XKR9: variants seen among roughly 807,000 people sequenced by gnomAD.
XKR9 encodes XK-related protein 9.
A neutral mutation model predicts 32.0 loss-of-function variants in XKR9; 32 were observed. The ratio of observed to expected loss-of-function variants is 1.00; its 90% confidence interval spans 0.76 to 1.34. The LOEUF (loss-of-function observed/expected upper bound fraction) is 1.34. Ranked by LOEUF, XKR9 falls within the 40% of genes most tolerant of loss-of-function variation. The probability of loss-of-function intolerance (pLI) is 0.00; values close to 1 mark genes in which losing one functional copy is unlikely to be tolerated. For missense variants in XKR9, 546 were observed against 429.7 expected (o/e 1.27, Z -2.39); for synonymous variants, 168 against 143.4 (o/e 1.17, Z -1.22).
At chr8:70,946,383 C>T in the XKR9 span, among the ~76,000 whole-genome samples, 2 of 151,186 alleles carry the variant, frequency 1.3e-5, no homozygotes, top group African/African-American at 2.4e-5. Context: ...AAAAAAAAAA[C>T]GATAAAAACT....
downstream of XKR9, among the ~76,000 whole-genome samples, chr8:70,793,352 T>C (rs188451811): frequency 6.6e-6 from 1 of 152,192 alleles, no homozygotes; most frequent in East Asian, 1.9e-4. Flanking sequence ...AATACATACA[T>C]TAATCAATGG....
chr8:70,690,370 G>A (rs1181733877), intron 3 of XKR9, among the ~76,000 whole-genome samples: 1 of 151,798 alleles, frequency 6.6e-6, no homozygotes, highest in Non-Finnish European at 1.5e-5. Flanking sequence ...TCACTCTGTT[G>A]CCAGGCTGGA....
the XKR9 span, among the ~76,000 whole-genome samples, chr8:70,951,868 G>GGT: frequency 3.5e-5 from 1 of 28,444 alleles, no homozygotes; most frequent in African/African-American, 1.4e-4. Flanking sequence ...TAGCATCATT[G>GGT]GGGGGGGGGT....
chr8:70,795,236 T>A (rs1176263301), downstream of XKR9, among the ~76,000 whole-genome samples: 1 of 152,124 alleles, frequency 6.6e-6, no homozygotes, highest in Non-Finnish European at 1.5e-5. Flanking sequence ...CGATATTTGG[T>A]TTTCTGTTCC....
At chr8:70,932,328 G>T in the XKR9 span, among the ~76,000 whole-genome samples, 1 of 152,078 alleles carries the variant, frequency 6.6e-6, no homozygotes, top group Admixed American at 6.6e-5. Context: ...AAAATTAATT[G>T]CATCTCAGGA....
rs35676207 is a variant in XKR9 at position 70,724,430 on chromosome 8, GAAA to G, written c.494-9352_494-9350del. The stretch of plus-strand genomic sequence containing the variant: ...GGTGTTCCAAGTGCCACTGGGGTAG[GAAA>G]AAAAAAAAAAAAACTCCTGCAGCTA... On this transcript the variant is annotated intron_variant, in intron 4 of 4. Coordinates refer to ENST00000408926, the MANE Select transcript of XKR9 (RefSeq NM_001011720.2). Among the ~76,000 whole-genome samples the G allele has an allele frequency of 1.2e-3, 171 of 143,056 alleles. 1 individual carries two copies. The highest frequency in any genetic ancestry group is 7.3e-3 in the Middle Eastern group (2 of 274). 93.9% of individuals were successfully genotyped at this position (143,056 alleles called of 152,430 possible).
intron 4 of XKR9, among the ~76,000 whole-genome samples, chr8:70,727,508 C>G (rs1271780354): frequency 1.3e-5 from 2 of 152,060 alleles, no homozygotes; most frequent in Admixed American, 1.3e-4. Context: ...TCAGTCGATT[C>G]TTCTTCCTCA....
intron 2 of XKR9, among the ~76,000 whole-genome samples, chr8:70,773,754 A>C (rs1454368372): frequency 6.6e-6 from 1 of 152,178 alleles, no homozygotes; most frequent in Non-Finnish European, 1.5e-5. Flanking sequence ...TGTCATTGTA[A>C]TATTTGGAAT....
At chr8:70,875,829 A>AACTTT in the XKR9 span, among the ~76,000 whole-genome samples, 6 of 152,306 alleles carry the variant, frequency 3.9e-5, no homozygotes, top group South Asian at 1.2e-3. Context: ...AATATGAGAT[A>AACTTT]GTCAAGATTT....
chr8:70,967,065 C>CTTTTTTTTCTTTTTT, the XKR9 span, among the ~76,000 whole-genome samples: 11 of 101,292 alleles, frequency 1.1e-4, no homozygotes, highest in Non-Finnish European at 2.1e-4. Flanking sequence ...GATCTTGACT[C>CTTTTTTTTCTTTTTT]TTTTTTTTTT....
the XKR9 span, among the ~76,000 whole-genome samples, chr8:70,846,405 C>A: frequency 7.8e-3 from 1,192 of 151,958 alleles, 27 homozygotes; most frequent in African/African-American, 0.027. Context: ...AGAGAAAGGA[C>A]TCAAATATTA....
chr8:71,032,076 T>C, the XKR9 span, among the ~76,000 whole-genome samples: 31 of 152,078 alleles, frequency 2.0e-4, no homozygotes, highest in Non-Finnish European at 3.4e-4. Context: ...GGTGGATCAC[T>C]TGAGGTCAGG....
rs1281734768 is a variant in XKR9, at chr8:70,753,895, A to G, written n.353-35444A>G. 6.1e-5 allele frequency among the ~76,000 whole-genome samples: 9 copies of G among 147,926 alleles called. No individual in the cohort carries two copies. In the East Asian group the frequency reaches 1.6e-3, roughly 26 times the overall value. On this transcript the variant is annotated intron_variant and non_coding_transcript_variant, in intron 2 of 3. Transcript: ENST00000520273. ...CTCTCTCACCACTCCTATTCAACAT[A>G]GTGTTGGAAGTTCTGGCCAGGGCAA... is the stretch of plus-strand genomic sequence containing the variant.
At chr8:70,802,138 A>G in the XKR9 span, among the ~76,000 whole-genome samples, 2 of 151,300 alleles carry the variant, frequency 1.3e-5, no homozygotes, top group East Asian at 3.9e-4. Context: ...GGGTTTCACC[A>G]TGTTATCCAG....
chr8:70,732,438 G>A (rs1003125706), intron 4 of XKR9, among the ~76,000 whole-genome samples: 1 of 152,212 alleles, frequency 6.6e-6, no homozygotes, highest in African/African-American at 2.4e-5. Context: ...CCCAGTCCAA[G>A]AGAACTAGGC....
the XKR9 span, among the ~76,000 whole-genome samples, chr8:70,981,448 C>T: frequency 6.6e-6 from 1 of 151,984 alleles, no homozygotes; most frequent in Non-Finnish European, 1.5e-5. Context: ...CTTTCCAGGG[C>T]ATTTTGTATT....
chr8:70,704,797 A>G (rs1805663311), intron 3 of XKR9, among the ~76,000 whole-genome samples: 1 of 152,242 alleles, frequency 6.6e-6, no homozygotes, highest in Non-Finnish European at 1.5e-5. Context: ...ATACCCAGAA[A>G]AGGCTAAAAC....
At chr8:70,763,334 G>C (rs1364671389) in intron 2 of XKR9, among the ~76,000 whole-genome samples, 1 of 152,088 alleles carries the variant, frequency 6.6e-6, no homozygotes, top group Non-Finnish European at 1.5e-5. Flanking sequence ...GGACTCTTTT[G>C]GCCTTTGTAG....
At chr8:70,802,688 C>T in the XKR9 span, among the ~76,000 whole-genome samples, 2 of 152,184 alleles carry the variant, frequency 1.3e-5, no homozygotes, top group African/African-American at 4.8e-5. Context: ...ATAAAATTCC[C>T]TTAGCATTTG....
Sources: allele counts gnomAD v4.1 joint callset (sites outside exome capture counted in the v4.1 genomes callset), GRCh38; gene constraint gnomAD v4.1.1; transcripts MANE v1.5; gene names NCBI Gene and HGNC (gene_info 2026-07-23, HGNC 2026-07-21).